Variants in ANTXR2 observed in about 807,000 individuals in gnomAD.
ANTXR2 encodes the protein anthrax toxin receptor 2.
In ANTXR2, 44 loss-of-function variants were observed where a neutral mutation model predicts 73.7. The observed-to-expected ratio is 0.60, with a 90% CI of 0.47 to 0.77. The LOEUF (loss-of-function observed/expected upper bound fraction) is 0.77. Ranked by LOEUF, ANTXR2 falls within the 30% of genes least tolerant of loss-of-function variation. The pLI is 0.00. For synonymous variants in ANTXR2, 217 were observed against 205.9 expected, an observed-to-expected ratio of 1.05 and a Z score of -0.46; for missense variants, 604 against 592.5, an observed-to-expected ratio of 1.02 and a Z score of -0.20.
intron 3 of ANTXR2, among the ~76,000 whole-genome samples, chr4:80,056,604 A>G (rs781060337): frequency 4.9e-4 from 75 of 151,928 alleles, no homozygotes; most frequent in Non-Finnish European, 1.5e-4. Context: ...GGTACTTAAT[A>G]CATATTTCAT....
chr4:80,044,947 C>T (rs1213392193), intron 7 of ANTXR2, among the ~76,000 whole-genome samples: 1 of 151,432 alleles, frequency 6.6e-6, no homozygotes, highest in Admixed American at 6.6e-5. Context: ...ATGACTATAA[C>T]ATAAAAAACA....
At chr4:79,978,744 A>G (rs1729755638) in intron 14 of ANTXR2, among the ~76,000 whole-genome samples, 1 of 152,214 alleles carries the variant, frequency 6.6e-6, no homozygotes, top group Admixed American at 6.5e-5. Flanking sequence ...AGGGATTCGA[A>G]CATGGATTGA....
intron 16 of ANTXR2, among the ~76,000 whole-genome samples, chr4:79,913,809 A>C (rs1447758680): frequency 6.6e-6 from 1 of 152,112 alleles, no homozygotes; most frequent in Non-Finnish European, 1.5e-5. Context: ...GGGGTAGTGC[A>C]TGAGAAGGGA....
chr4:80,070,022 C>A (rs998601929), intron 2 of ANTXR2, among the ~76,000 whole-genome samples: 1 of 152,180 alleles, frequency 6.6e-6, no homozygotes, highest in African/African-American at 2.4e-5. Context: ...TCTGCTTAGG[C>A]ATTTTTTATT....
At chr4:79,991,876 C>A (rs1360798162) in intron 12 of ANTXR2, among the ~76,000 whole-genome samples, 1 of 152,012 alleles carries the variant, frequency 6.6e-6, no homozygotes, top group Non-Finnish European at 1.5e-5. Context: ...ACTACAGGTT[C>A]TTTTTTATAA....
At position 79,977,647 on chromosome 4, in the gene ANTXR2, A is replaced by G. The variant is rs1355308846; in HGVS notation, c.1402T>C (p.Leu468=). 30 of 1,581,514 alleles carry G rather than the reference A, an allele frequency of 1.9e-5. No individual in the cohort carries two copies. Among genetic ancestry groups the G allele is most frequent in the Non-Finnish European group, 2.5e-5 (29 of 1,162,740 alleles). Residue 468 remains leucine, a synonymous_variant, in exon 16 of 17, where the codon TTG becomes CTG. Coordinates refer to ENST00000403729, the MANE Select transcript of ANTXR2 (RefSeq NM_058172.6). ...LLRRQYDRVS[L]MRPQEGDEGR... ...TCATCTCCTTCCTGAGGTCGCATCA[A>G]AGAAACCCGGTCATACTGCCGCCTC...
chr4:79,945,247 T>G (rs1728474984), intron 16 of ANTXR2, among the ~76,000 whole-genome samples: 1 of 152,076 alleles, frequency 6.6e-6, no homozygotes, highest in Admixed American at 6.6e-5. Flanking sequence ...TATGGAAATC[T>G]CTTTTTTAGG....
In ANTXR2 at chr4:79,907,404, C is replaced by G. The variant is rs1490877358; in HGVS notation, c.*25G>C. ...TATGTGAAAATGTGCCATCTTCGTA[C>G]CTTCTTGGTCTTCCTGCTTCCCTTT... is the stretch of plus-strand genomic sequence containing the variant. On this transcript the variant is annotated 3_prime_UTR_variant, in exon 17 of 17. Transcript: ENST00000403729. 2.5e-6 allele frequency: 4 copies of G among 1,609,086 alleles called. No homozygotes were observed.
chr4:79,915,651 A>G (rs1362539558), intron 16 of ANTXR2, among the ~76,000 whole-genome samples: 5 of 152,144 alleles, frequency 3.3e-5, no homozygotes, highest in Non-Finnish European at 7.3e-5. Context: ...ATCCACACGC[A>G]TAGACACAGA....
At chr4:79,917,895 A>C in intron 16 of ANTXR2, among the ~76,000 whole-genome samples, 1 of 151,842 alleles carries the variant, frequency 6.6e-6, no homozygotes, top group South Asian at 2.1e-4. Context: ...GGTGGTTTAG[A>C]TGTTGCAGTT....
At position 80,011,145 on chromosome 4, in the gene ANTXR2, C is replaced by CAA. The variant is rs35059720; in HGVS notation, c.946-2531_946-2530dup. Among the ~76,000 whole-genome samples, 17 of 150,876 alleles carry CAA rather than the reference C, an allele frequency of 1.1e-4. No individual in the cohort carries two copies. In the South Asian group the frequency reaches 1.7e-3, roughly 15 times the overall value. On this transcript the variant is annotated intron_variant, in intron 11 of 16. Coordinates refer to ENST00000403729, the MANE Select transcript of ANTXR2 (RefSeq NM_058172.6). ...TGGGCGACAGAGAAAGACTCCATCT[C>CAA]AAAAAAAATAAATTAAATAAATTAA... is the stretch of plus-strand genomic sequence containing the variant.
chr4:79,998,803 C>T (rs1018509536), intron 12 of ANTXR2, among the ~76,000 whole-genome samples: 2 of 152,096 alleles, frequency 1.3e-5, no homozygotes, highest in African/African-American at 2.4e-5. Flanking sequence ...AAAATGAGAA[C>T]TCTTCCCTTC....
intron 10 of ANTXR2, among the ~76,000 whole-genome samples, chr4:80,020,224 A>G (rs1732091074): frequency 6.6e-6 from 1 of 152,056 alleles, no homozygotes; most frequent in South Asian, 2.1e-4. Context: ...ACAAAAAGTA[A>G]AAATAAAAAT....
intron 10 of ANTXR2, among the ~76,000 whole-genome samples, chr4:80,030,042 T>C (rs1732615315): frequency 6.6e-6 from 1 of 151,886 alleles, no homozygotes; most frequent in Non-Finnish European, 1.5e-5. Context: ...ATCACTCTTG[T>C]GAAGGATGGA....
chr4:79,906,757 C>T lies in ANTXR2; in HGVS notation c.*672G>A, dbSNP rs1382352315. 1 of 152,640 alleles carries T rather than the reference C, an allele frequency of 6.6e-6. No homozygotes were observed. Among genetic ancestry groups the T allele is most frequent in the East Asian group, 1.9e-4 (1 of 5,184 alleles). 9.5% of individuals were successfully genotyped at this position (152,640 alleles called of 1,614,324 possible). A position where few individuals can be genotyped will look rare whatever the true frequency, so the allele number is the denominator to read the frequency against. On this transcript the variant is annotated 3_prime_UTR_variant, in exon 17 of 17. Coordinates refer to ENST00000403729, the MANE Select transcript of ANTXR2 (RefSeq NM_058172.6). ...AATGAAAGAAAGGTGTCTTCGAAAA[C>T]TAAAGGGCAAAATCTTGCTTGCTAC...
At chr4:80,073,447 C>T (rs371787810), upstream of ANTXR2, 1 of 152,356 alleles carries the variant, frequency 6.6e-6, no homozygotes, top group Non-Finnish European at 1.5e-5. Context: ...AAACAGCCCC[C>T]ATGCGTGGTT....
At chr4:79,992,104 C>T (rs1048545601) in intron 12 of ANTXR2, among the ~76,000 whole-genome samples, 2 of 151,724 alleles carry the variant, frequency 1.3e-5, no homozygotes, top group Non-Finnish European at 2.9e-5. Flanking sequence ...ACCCCTGAAC[C>T]TAAAATAAAA....
chr4:80,017,697 G>A (rs1424295077), intron 11 of ANTXR2, among the ~76,000 whole-genome samples: 4 of 152,134 alleles, frequency 2.6e-5, no homozygotes, highest in African/African-American at 7.2e-5. Flanking sequence ...GATGAGGAAG[G>A]AATGCCATTT....
intron 16 of ANTXR2, among the ~76,000 whole-genome samples, chr4:79,918,260 G>C (rs1727432904): frequency 6.6e-6 from 1 of 151,982 alleles, no homozygotes; most frequent in Admixed American, 6.6e-5. Context: ...GTCCCATAAG[G>C]AGAGGACAAA....
Sources: gnomAD v4.1 joint callset for allele counts (sites outside exome capture counted in the v4.1 genomes callset) on GRCh38, gnomAD v4.1.1 for gene constraint, MANE v1.5 for transcripts, NCBI Gene and HGNC (gene_info 2026-07-23, HGNC 2026-07-21) for gene names.